PFKP: variants seen among roughly 807,000 people sequenced by gnomAD.
PFKP encodes phosphofructokinase, platelet.
Under a neutral mutation model 94.3 loss-of-function variants are expected in PFKP, and 101 were observed. That is an observed-to-expected ratio of 1.07 (90% CI 0.91 to 1.26). The LOEUF (loss-of-function observed/expected upper bound fraction) is 1.26. Ranked by LOEUF, PFKP falls within the 50% of genes most tolerant of loss-of-function variation. PFKP has a pLI of 0.00. For synonymous variants in PFKP, 573 were observed against 432.6 expected (o/e 1.32, Z -4.03); for missense variants, 1,145 against 1,103.3 (o/e 1.04, Z -0.53).
chr10:3,082,242 C>T (rs987487413), intron 1 of PFKP, 146 bp from the exon 2 acceptor site: 1 of 501,770 alleles, frequency 2.0e-6, no homozygotes, highest in Non-Finnish European at 3.6e-6. Flanking sequence ...TTACCCTAAT[C>T]CCAGAGGAGT....
chr10:3,080,213 A>G (rs966214743), intron 1 of PFKP, among the ~76,000 whole-genome samples: 3 of 152,174 alleles, frequency 2.0e-5, no homozygotes, highest in Non-Finnish European at 4.4e-5. Context: ...ACGCGGTCAT[A>G]TTCGTGCTTT....
intron 2 of PFKP, among the ~76,000 whole-genome samples, chr10:3,092,767 A>G (rs1317075758): frequency 6.6e-6 from 1 of 152,216 alleles, no homozygotes; most frequent in Non-Finnish European, 1.5e-5. Flanking sequence ...TTGGGTTAAA[A>G]TGAAGCTCCT....
At chr10:3,097,317 G>A (rs1834572934) in intron 2 of PFKP, among the ~76,000 whole-genome samples, 1 of 151,942 alleles carries the variant, frequency 6.6e-6, no homozygotes, top group African/African-American at 2.4e-5. Flanking sequence ...GAACATAAAC[G>A]GTGCCTCCCA....
intron 20 of PFKP, among the ~76,000 whole-genome samples, chr10:3,135,446 T>C (rs1341196591): frequency 1.3e-5 from 2 of 152,206 alleles, no homozygotes; most frequent in Non-Finnish European, 2.9e-5. Context: ...ATTAGTGTCC[T>C]GTAATTTAAG....
At chr10:3,092,136 C>T (rs1159940435) in intron 2 of PFKP, among the ~76,000 whole-genome samples, 1 of 151,676 alleles carries the variant, frequency 6.6e-6, no homozygotes, top group Non-Finnish European at 1.5e-5. Context: ...CGAGGGTCTC[C>T]ATCTCCCCAT....
Position 3,104,703 on chromosome 10 carries a change from TAGTG to T in PFKP, c.621-408_621-405del, listed in dbSNP as rs140528878. On this transcript the variant is annotated intron_variant, in intron 5 of 21. Coordinates refer to ENST00000381125, the MANE Select transcript of PFKP (RefSeq NM_002627.5). ...CCACAGTCTCTGGGCATTAAGCACT[TAGTG>T]AGTCTGGCACTCACTTGTTTCCGTG... is the stretch of plus-strand genomic sequence containing the variant. 1,412 of 258,788 alleles carry T rather than the reference TAGTG, an allele frequency of 5.5e-3. 29 individuals carry two copies. Among genetic ancestry groups the T allele is most frequent in the African/African-American group, 0.031 (1,324 of 43,002 alleles). 16.0% of individuals were successfully genotyped at this position (258,788 alleles called of 1,614,324 possible).
intron 7 of PFKP, among the ~76,000 whole-genome samples, chr10:3,106,523 C>T (rs188429621): frequency 2.0e-5 from 3 of 151,928 alleles, no homozygotes; most frequent in African/African-American, 7.2e-5. Context: ...TTTCTATCTG[C>T]GGTGGTGATG....
chr10:3,086,592 ACAAAGAATGGTC>A (rs1833623012), intron 2 of PFKP, among the ~76,000 whole-genome samples: 1 of 152,194 alleles, frequency 6.6e-6, no homozygotes, highest in African/African-American at 2.4e-5. Flanking sequence ...ACCACACCCC[ACAAAGAATGGTC>A]CAGACCCAAA....
At chr10:3,068,225 A>G (rs1251245112) in intron 1 of PFKP, among the ~76,000 whole-genome samples, 4 of 151,996 alleles carry the variant, frequency 2.6e-5, no homozygotes, top group African/African-American at 9.6e-5. Flanking sequence ...CGAGGAAGAA[A>G]CGGCTGGGTC....
At chr10:3,099,453 G>A (rs1564295220) in intron 3 of PFKP, 101 bp downstream of exon 3, 2 of 899,120 alleles carry the variant, frequency 2.2e-6, no homozygotes, top group Non-Finnish European at 3.7e-6. Context: ...GCGAAATAGA[G>A]ATTATGTGGA....
rs772926581 is a variant in PFKP, at chr10:3,067,697, G to A, written c.102G>A (p.Gly34=). 17 of 1,497,450 alleles carry A rather than the reference G, an allele frequency of 1.1e-5. No homozygotes were observed. The highest frequency in any genetic ancestry group is 1.7e-4 in the Middle Eastern group (1 of 5,736). 92.8% of individuals were successfully genotyped at this position (1,497,450 alleles called of 1,614,324 possible). A position where few individuals can be genotyped will look rare whatever the true frequency, so the allele number is the denominator to read the frequency against. ...GKAIGVLTSG[G]DAQGMNAAVR... ...CCATCGGCGTGCTGACCAGCGGCGG[G>A]GATGCTCAAGGTGCGCGCCCCCCTC... is the stretch of plus-strand genomic sequence containing the variant. The change falls in exon 1 of 22, where the codon GGG becomes GGA. Residue 34 remains glycine (G), a synonymous_variant. Coordinates refer to ENST00000381125, the MANE Select transcript of PFKP (RefSeq NM_002627.5).
intron 16 of PFKP, among the ~76,000 whole-genome samples, chr10:3,121,599 T>C (rs989916194): frequency 3.2e-5 from 4 of 125,180 alleles, no homozygotes; most frequent in South Asian, 5.4e-4. Context: ...TTTTTTTTTT[T>C]CAGATTGTAA....
chr10:3,109,951 G>A (rs988265464), intron 10 of PFKP, among the ~76,000 whole-genome samples: 2 of 152,068 alleles, frequency 1.3e-5, no homozygotes, highest in Non-Finnish European at 2.9e-5. Flanking sequence ...GTGGTATTTT[G>A]TAGGGGAAGG....
intron 15 of PFKP, among the ~76,000 whole-genome samples, chr10:3,119,264 T>A (rs148223860): frequency 6.6e-6 from 1 of 152,222 alleles, no homozygotes; most frequent in Non-Finnish European, 1.5e-5. Flanking sequence ...ATATTTTTTC[T>A]ATTCATGAAG....
At chr10:3,086,040 C>T (rs561126350) in intron 2 of PFKP, among the ~76,000 whole-genome samples, 2 of 152,218 alleles carry the variant, frequency 1.3e-5, no homozygotes, top group South Asian at 2.1e-4. Context: ...GACAGTACCA[C>T]ACCCGTCCTG....
Position 3,074,822 on chromosome 10 carries a change from G to A in PFKP, c.112+7115G>A, listed in dbSNP as rs114306790. Among the ~76,000 whole-genome samples the A allele has an allele frequency of 7.4e-3, 1,128 of 152,278 alleles. 13 individuals carry two copies. Among genetic ancestry groups the A allele is most frequent in the African/African-American group, 0.026 (1,095 of 41,534 alleles). ...TCCATTATGGCACCTGGAATGTGCC[G>A]AGACCAGCTCAGTCGGGGAGACCGT... is the stretch of plus-strand genomic sequence containing the variant. On this transcript the variant is annotated intron_variant, in intron 1 of 21. Transcript: ENST00000381125.
chr10:3,125,199 G>T, intron 16 of PFKP: 5 of 1,348,906 alleles, frequency 3.7e-6, no homozygotes, highest in Non-Finnish European at 4.9e-6. Context: ...CAATGTCCCA[G>T]GCACAGAAAT....
chr10:3,084,854 C>CCCAGCACGGTCCCCCACTTCACTCT lies in PFKP; in HGVS notation c.186+2411_186+2412insTCACTCTCCAGCACGGTCCCCCACT, dbSNP rs1833390138. On this transcript the variant is annotated intron_variant, in intron 2 of 21. Coordinates refer to ENST00000381125, the MANE Select transcript of PFKP (RefSeq NM_002627.5). ...CCCAAGCACAGTCCTCCACCCCCTC[C>CCCAGCACGGTCCCCCACTTCACTCT]CCAGCACGGTCCCCCACTCCACTCT... Among the ~76,000 whole-genome samples, 7 of 106,738 alleles carry CCCAGCACGGTCCCCCACTTCACTCT rather than the reference C, an allele frequency of 6.6e-5. 3 individuals are homozygous for CCCAGCACGGTCCCCCACTTCACTCT. The highest frequency in any genetic ancestry group is 2.1e-4 in the Admixed American group (2 of 9,720). 70.0% of individuals were successfully genotyped at this position (106,738 alleles called of 152,430 possible).
chr10:3,103,067 C>T (rs1455941296), intron 4 of PFKP, among the ~76,000 whole-genome samples: 2 of 152,214 alleles, frequency 1.3e-5, no homozygotes, highest in Non-Finnish European at 1.5e-5. Context: ...TCCAGCTTCC[C>T]ACAGATGCAT....
Sources: allele counts gnomAD v4.1 joint callset (sites outside exome capture counted in the v4.1 genomes callset), GRCh38; gene constraint gnomAD v4.1.1; transcripts MANE v1.5; gene names NCBI Gene and HGNC (gene_info 2026-07-23, HGNC 2026-07-21).